The following PRR5 variants were observed in gnomAD, a reference collection of about 807,000 sequenced individuals.
The protein encoded by PRR5 is proline-rich protein 5.
Under a neutral mutation model 30.6 loss-of-function variants are expected in PRR5, and 25 were observed. The ratio of observed to expected loss-of-function variants is 0.82; its 90% CI spans 0.60 to 1.14. The LOEUF (loss-of-function observed/expected upper bound fraction) is 1.14. Ranked by LOEUF, PRR5 falls within the 50% of genes most tolerant of loss-of-function variation. The probability of loss-of-function intolerance (pLI) is 0.00; values close to 1 mark genes in which losing one functional copy is unlikely to be tolerated. For missense variants in PRR5, 600 were observed against 547.1 expected (o/e 1.10, Z -0.96); for synonymous variants, 286 against 247.1 (o/e 1.16, Z -1.48).
At chr22:44,731,031 G>A (rs1463880456) in intron 4 of PRR5, 1 of 332,046 alleles carries the variant, frequency 3.0e-6, no homozygotes, top group Non-Finnish European at 6.4e-6. Flanking sequence ...TGTTGGAGGG[G>A]CAGATAGTGT....
intron 1 of PRR5, among the ~76,000 whole-genome samples, chr22:44,690,716 T>C (rs759353161): frequency 2.8e-4 from 43 of 152,098 alleles, no homozygotes; most frequent in South Asian, 6.2e-4. Context: ...CCCACTGTTA[T>C]TATTATTATT....
In PRR5 at chr22:44,736,082, C is replaced by G. The variant is rs565972902; in HGVS notation, c.692-690C>G. Among the ~76,000 whole-genome samples the G allele has an allele frequency of 2.9e-4, 44 of 152,348 alleles. No individual in the cohort carries two copies. In the South Asian group the frequency reaches 8.5e-3, roughly 29 times the overall value. ...TGCATGGGAACCTGAACCCTGCCCCCCAACCAGCCTTGGCCACCTGTGCCA... is the reference window on the plus strand; with the variant it reads ...TGCATGGGAACCTGAACCCTGCCCCGCAACCAGCCTTGGCCACCTGTGCCA... On this transcript the variant is annotated intron_variant, in intron 7 of 7. Coordinates refer to ENST00000336985, the MANE Select transcript of PRR5 (RefSeq NM_181333.4).
At chr22:44,730,021 T>C (rs1921652653) in intron 4 of PRR5, 1 of 985,272 alleles carries the variant, frequency 1.0e-6, no homozygotes, top group African/African-American at 1.7e-5. Flanking sequence ...AGGTTTGGGC[T>C]ACCCGGGTGG....
In PRR5 at chr22:44,712,575, G is replaced by T. The variant is rs1383083611; in HGVS notation, c.135-2016G>T. ...GATGCTGGCCGCTCTGTGACCTCCA[G>T]CAGAGGACTTAGCCACCTGGGCCTT... On this transcript the variant is annotated intron_variant, in intron 1 of 7. Transcript: ENST00000336985. Among the ~76,000 whole-genome samples, 8 of 152,240 alleles carry T rather than the reference G, an allele frequency of 5.3e-5. 1 individual carries two copies. The highest frequency in any genetic ancestry group is 5.2e-4 in the Admixed American group (8 of 15,274).
chr22:44,737,238 T>G lies in PRR5; in HGVS notation c.1158T>G (p.Ser386Arg), dbSNP rs1379938620. 6.2e-7 allele frequency: 1 copy of G among 1,600,114 alleles called. No homozygotes were observed. The highest frequency in any genetic ancestry group is 8.5e-7 in the Non-Finnish European group (1 of 1,170,634). The change falls in exon 8 of 8, where the codon AGT (serine) becomes AGG (arginine). Residue 386 changes from serine to arginine, a missense_variant. Ser to Arg is a moderately radical substitution (Grantham distance 110). Transcript: ENST00000336985. ...TGGAGGGCTCTGGGGGCCGGCAGAG[T>G]GTCGTGTGAGGCCTCACAGCTGGCC... ...SDLEGSGGRQ[S>R]VV
At chr22:44,732,714 TATGC>T (rs1255951745) in intron 6 of PRR5, among the ~76,000 whole-genome samples, 11 of 150,986 alleles carry the variant, frequency 7.3e-5, no homozygotes, top group South Asian at 2.1e-4. Context: ...ACGCACATAG[TATGC>T]ACGTGCACAT....
intron 2 of PRR5, among the ~76,000 whole-genome samples, chr22:44,718,258 G>C (rs1452651021): frequency 7.0e-6 from 1 of 142,074 alleles, no homozygotes; most frequent in Non-Finnish European, 1.5e-5. Flanking sequence ...GCAGTGGGGC[G>C]ATCTTGGCTC....
chr22:44,695,462 TA>T lies in PRR5; in HGVS notation c.-10-7029del, dbSNP rs1925660619. ...AGAGGTATTTTTGGTGTGTGATTGC[TA>T]TGGCCTTTGTGCAAGGTTGTGGTTT... On this transcript the variant is annotated intron_variant, in intron 1 of 8. Coordinates refer to the PRR5 transcript ENST00000006251. 3.3e-5 allele frequency among the ~76,000 whole-genome samples: 5 copies of T among 152,364 alleles called. No individual in the cohort carries two copies. In the South Asian group the frequency reaches 8.3e-4, roughly 25 times the overall value.
At chr22:44,733,706 G>A (rs917434015) in intron 6 of PRR5, among the ~76,000 whole-genome samples, 21 of 152,178 alleles carry the variant, frequency 1.4e-4, no homozygotes, top group Non-Finnish European at 2.9e-4. Context: ...TGCTCCTACA[G>A]GCAGACAATT....
chr22:44,714,514 A>G, intron 1 of PRR5, 77 bp from the exon 2 acceptor site: 1 of 1,572,416 alleles, frequency 6.4e-7, no homozygotes, highest in Non-Finnish European at 8.7e-7. Flanking sequence ...AGAGAGGGAA[A>G]GAGGAATGGG....
At chr22:44,676,546 A>G (rs1241909084), upstream of PRR5, among the ~76,000 whole-genome samples, 1 of 151,890 alleles carries the variant, frequency 6.6e-6, no homozygotes, top group African/African-American at 2.4e-5. Flanking sequence ...GGAGGCGGCA[A>G]TGGCCCTGGG....
intron 1 of PRR5, among the ~76,000 whole-genome samples, chr22:44,670,465 C>T (rs911461891): frequency 3.9e-5 from 6 of 152,146 alleles, no homozygotes; most frequent in Non-Finnish European, 7.3e-5. Flanking sequence ...TGAAAACTGG[C>T]GATCATCATA....
In PRR5 at chr22:44,669,666, T is replaced by G. The variant is rs368142746; in HGVS notation, c.-11+861T>G. Among the ~76,000 whole-genome samples, 8 of 152,310 alleles carry G rather than the reference T, an allele frequency of 5.3e-5. No individual in the cohort carries two copies. In the East Asian group the frequency reaches 1.2e-3, roughly 22 times the overall value. ...TAGAAGGCTGGGGGAGGGTCCCATG[T>G]CCAAAGGTCACAAGATGTGGTCCCA... On this transcript the variant is annotated intron_variant, in intron 1 of 8. Coordinates refer to the PRR5 transcript ENST00000432186.
At position 44,726,611 on chromosome 22, in the gene PRR5, G is replaced by A. The variant is rs1377279796; in HGVS notation, c.299G>A (p.Arg100Gln). The A allele has an allele frequency of 2.5e-6, 4 of 1,614,102 alleles. No individual in the cohort carries two copies. The highest frequency in any genetic ancestry group is 2.7e-5 in the African/African-American group (2 of 75,048). Reference sequence around the variant, plus strand: ...CTGACAAAAGGCATGGTGATCCTTCGGGACAAGATTCGCTTCTATGAGGGT... The same window carrying A: ...CTGACAAAAGGCATGGTGATCCTTCAGGACAAGATTCGCTTCTATGAGGGT... ...QLLTKGMVIL[R>Q]DKIRFYEGQK... Residue 100 changes from arginine (R) to glutamine (Q), a missense_variant, in exon 4 of 8, where the codon CGG becomes CAG. Physicochemically the swap from Arg to Gln is conservative, Grantham distance 43. Coordinates refer to ENST00000336985, the MANE Select transcript of PRR5 (RefSeq NM_181333.4).
intron 1 of PRR5, among the ~76,000 whole-genome samples, chr22:44,706,471 T>G (rs1253065654): frequency 6.6e-6 from 1 of 152,160 alleles, no homozygotes; most frequent in African/African-American, 2.4e-5. Context: ...AGCATTTCGC[T>G]GGGGTCTGCC....
At chr22:44,732,767 A>G (rs1267579031) in intron 6 of PRR5, among the ~76,000 whole-genome samples, 3 of 147,640 alleles carry the variant, frequency 2.0e-5, no homozygotes, top group African/African-American at 7.8e-5. Flanking sequence ...CACGCTACAC[A>G]CATGCCTGTG....
chr22:44,690,648 A>T (rs1411568446), intron 1 of PRR5, among the ~76,000 whole-genome samples: 2 of 152,204 alleles, frequency 1.3e-5, no homozygotes, highest in Admixed American at 1.3e-4. Flanking sequence ...ACATCTATTA[A>T]GTGGTGAAGC....
rs1602067467 is a variant in PRR5 at position 44,725,291 on chromosome 22, A to G, written c.263A>G (p.Gln88Arg). Residue 88 changes from glutamine (Q) to arginine (R), a missense_variant and splice_region_variant, in exon 3 of 8, where the codon CAG becomes CGG. Coordinates refer to ENST00000336985, the MANE Select transcript of PRR5 (RefSeq NM_181333.4). ...GGGTCCTTCTTCACGGAGTACCTGC[A>G]GGTAGGTGGGTCTTGCTCCAGCCAG... is the stretch of plus-strand genomic sequence containing the variant. ...ELGSFFTEYL[Q>R]NQLLTKGMVI... is the part of the protein sequence containing the mutation. The G allele has an allele frequency of 6.2e-7, 1 of 1,613,394 alleles. No individual in the cohort carries two copies. The highest frequency in any genetic ancestry group is 8.5e-7 in the Non-Finnish European group (1 of 1,179,930).
chr22:44,694,217 A>T (rs950162829), intron 1 of PRR5, among the ~76,000 whole-genome samples: 3 of 151,570 alleles, frequency 2.0e-5, no homozygotes, highest in African/African-American at 7.3e-5. Flanking sequence ...CTGCCTCCAC[A>T]CTCTACTCAT....
Sources: gnomAD v4.1 joint callset for allele counts (sites outside exome capture counted in the v4.1 genomes callset) on GRCh38, gnomAD v4.1.1 for gene constraint, MANE v1.5 for transcripts, NCBI Gene and HGNC (gene_info 2026-07-23, HGNC 2026-07-21) for gene names.